EVPL: variants seen among roughly 807,000 people sequenced by gnomAD.
EVPL encodes the protein envoplakin.
EVPL carries 94 observed loss-of-function variants against 129.7 expected under a neutral mutation model. That is an observed-to-expected ratio of 0.72 (90% CI 0.61 to 0.86). The LOEUF is 0.86. Ranked by LOEUF, EVPL falls within the 40% of genes least tolerant of loss-of-function variation. The probability of loss-of-function intolerance (pLI) is 0.00; values close to 1 mark genes in which losing one functional copy is unlikely to be tolerated. For missense variants in EVPL, 2,625 were observed against 2,721.1 expected, an observed-to-expected ratio of 0.96 and a Z score of 0.79; for synonymous variants, 1,172 against 1,191.1, an observed-to-expected ratio of 0.98 and a Z score of 0.33.
chr17:76,009,330 A>G lies in EVPL; in HGVS notation c.3875T>C (p.Ile1292Thr), dbSNP rs777813377. The G allele has an allele frequency of 6.2e-7, 1 of 1,611,740 alleles. No individual in the cohort carries two copies. Among genetic ancestry groups the G allele is most frequent in the African/African-American group, 1.3e-5 (1 of 74,876 alleles). ...NSHGRSQEQL[I>T]RLQGERDEWR... is the part of the protein sequence containing the mutation. ...CTCGTCGCGCTCACCCTGCAGGCGG[A>G]TGAGCTGCTCCTGGGAGCGCCCGTG... The change falls in exon 22 of 22, where the codon ATC becomes ACC. Residue 1292 changes from isoleucine (I) to threonine (T), a missense_variant. Around this residue, in one of 4 missense-constraint regions of EVPL, gnomAD observed 1,453 missense variants for 1,511.8 expected, o/e 0.96. Transcript: ENST00000301607. This position sits in a 1 kb window ranked among gnomAD's most constrained non-coding sequence, Gnocchi z 5.9.
chr17:76,019,635 A>T lies in EVPL; in HGVS notation c.1030T>A (p.Ser344Thr), dbSNP rs1471695531. ...AGCTTCGCCAGGGTCTGGCTGACTG[A>T]GTCGGCCTCTTCCTGGAACTGAGTT... ...DYRRFQEEAD[S>T]VSQTLAKLNS... Residue 344 changes from serine to threonine, a missense_variant, in exon 10 of 22, where the codon TCA becomes ACA. Physicochemically the swap from Ser to Thr is moderately conservative, Grantham distance 58. Around this residue, in one of 4 missense-constraint regions of EVPL, gnomAD observed 1,024 missense variants for 997.5 expected, o/e 1.03. Transcript: ENST00000301607. 1 of 1,611,128 alleles carries T rather than the reference A, an allele frequency of 6.2e-7. No individual in the cohort carries two copies. Among genetic ancestry groups the T allele is most frequent in the South Asian group, 1.1e-5 (1 of 90,850 alleles).
chr17:76,021,876 C>A lies in EVPL; in HGVS notation c.798G>T (p.Arg266=). 1 of 1,557,740 alleles carries A rather than the reference C, an allele frequency of 6.4e-7. No homozygotes were observed. The highest frequency in any genetic ancestry group is 8.6e-7 in the Non-Finnish European group (1 of 1,158,894). The change falls in exon 7 of 22, where the codon CGG becomes CGT. Residue 266 remains arginine, a synonymous_variant. Transcript: ENST00000301607. ...DLMADPAGVR[R]EYEHFKQHEL... is the part of the protein sequence containing the mutation. ...ACCTCTGCCAGCCGACCTCGTACTC[C>A]CGCCGCACGCCCGCAGGGTCGGCCA...
intron 1 of EVPL, 57 bp downstream of exon 1, chr17:76,027,044 G>A (rs1598248373): frequency 9.4e-7 from 1 of 1,069,452 alleles, no homozygotes; most frequent in East Asian, 2.9e-5. Context: ...CAAGGACCTG[G>A]GCCTGGCACC....
rs1420306780 is a variant in EVPL, at chr17:76,021,318, A to G, written c.1011+150T>C. ...TGATCCACCAGCCTCGGCCTCCCAA[A>G]GTGCTGGGATTACAGGTGTGAGCCA... On this transcript the variant is annotated intron_variant, in intron 9 of 21. Coordinates refer to ENST00000301607, the MANE Select transcript of EVPL (RefSeq NM_001988.4). 15 of 692,274 alleles carry G rather than the reference A, an allele frequency of 2.2e-5. 1 individual carries two copies. The South Asian group carries it at 2.6e-4, about 12-fold the overall frequency. The allele number at this position is 692,274 out of a possible 1,614,324, so 42.9% of individuals were successfully genotyped here. A position where few individuals can be genotyped will look rare whatever the true frequency, so the allele number is the denominator to read the frequency against.
At chr17:76,014,084 C>T (rs902530940) in intron 18 of EVPL, among the ~76,000 whole-genome samples, 3 of 152,306 alleles carry the variant, frequency 2.0e-5, no homozygotes, top group East Asian at 3.9e-4. Context: ...CAATGCTTGT[C>T]GGCATCACAG....
chr17:76,008,526 A>C lies in EVPL; in HGVS notation c.4679T>G (p.Leu1560Arg). 1 of 1,606,366 alleles carries C rather than the reference A, an allele frequency of 6.2e-7. No homozygotes were observed. The highest frequency in any genetic ancestry group is 8.5e-7 in the Non-Finnish European group (1 of 1,179,298). The change falls in exon 22 of 22, where the codon CTG becomes CGG. Residue 1560 changes from leucine to arginine, a missense_variant. This residue lies in a region of EVPL where 1,453 missense variants were observed against 1,511.8 expected (regional missense o/e 0.96). Coordinates refer to ENST00000301607, the MANE Select transcript of EVPL (RefSeq NM_001988.4). This position sits in a 1 kb window ranked among gnomAD's most constrained non-coding sequence, Gnocchi z 7.4. ...RQAREEEARRLRERIDRAETL... is the reference protein window; with the variant it reads ...RQAREEEARRRRERIDRAETL... ...CTCGGCCCGGTCAATGCGCTCCCGC[A>C]GGCGCCGTGCCTCCTCCTCCCGGGC...
At position 76,007,848 on chromosome 17, in the gene EVPL, G is replaced by A. The variant is rs933998775; in HGVS notation, c.5357C>T (p.Pro1786Leu). Residue 1786 changes from proline to leucine, a missense_variant, in exon 22 of 22, where the codon CCA (proline) becomes CTA (leucine). Physicochemically the swap from Pro to Leu is moderately conservative, Grantham distance 98 (BLOSUM62 -3). Transcript: ENST00000301607. This position sits in a 1 kb window ranked among gnomAD's most constrained non-coding sequence, Gnocchi z 8.8. ...AGAGCCGATGGAGAGTGAGGAGCTT[G>A]GCTTGGTCTCCCCAGCTACAAGCAG... is the stretch of plus-strand genomic sequence containing the variant. ...FALLVAGETK[P>L]SSSLSIGSII... 6.2e-7 allele frequency: 1 copy of A among 1,612,118 alleles called. No homozygotes were observed. Among genetic ancestry groups the A allele is most frequent in the Non-Finnish European group, 8.5e-7 (1 of 1,178,556 alleles).
chr17:76,007,853 G>C lies in EVPL; in HGVS notation c.5352C>G (p.Thr1784=). The C allele has an allele frequency of 6.2e-7, 1 of 1,612,330 alleles. No homozygotes were observed. The highest frequency in any genetic ancestry group is 8.5e-7 in the Non-Finnish European group (1 of 1,178,636). The change falls in exon 22 of 22, where the codon ACC becomes ACG. Residue 1784 remains threonine, a synonymous_variant. Transcript: ENST00000301607. This position sits in a 1 kb window ranked among gnomAD's most constrained non-coding sequence, Gnocchi z 8.8. ...SEFALLVAGE[T]KPSSSLSIGS... The stretch of plus-strand genomic sequence containing the variant: ...CGATGGAGAGTGAGGAGCTTGGCTT[G>C]GTCTCCCCAGCTACAAGCAGCGCAA...
chr17:76,017,716 G>T (rs1461996695), intron 14 of EVPL, 23 bp downstream of exon 14: 3 of 1,603,360 alleles, frequency 1.9e-6, no homozygotes, highest in Non-Finnish European at 1.7e-6. Flanking sequence ...CATCCCAGCC[G>T]CCCCTTCCCG....
At chr17:76,020,527 TCA>T (rs2066450291) in intron 9 of EVPL, among the ~76,000 whole-genome samples, 2 of 152,108 alleles carry the variant, frequency 1.3e-5, no homozygotes, top group South Asian at 4.1e-4. Flanking sequence ...ACGTGTGTGA[TCA>T]CAGTCTTGTG....
intron 12 of EVPL, 76 bp from the exon 13 acceptor site, chr17:76,018,334 T>G: frequency 6.6e-7 from 1 of 1,516,936 alleles, no homozygotes; most frequent in Non-Finnish European, 8.9e-7. Context: ...AGACGCAGCT[T>G]CAGGTGAAGG....
rs748859837 is a variant in EVPL at position 76,011,831 on chromosome 17, C to A, written c.2509G>T (p.Ala837Ser). 1.9e-6 allele frequency: 3 copies of A among 1,612,958 alleles called. No individual in the cohort carries two copies. The highest frequency in any genetic ancestry group is 2.5e-6 in the Non-Finnish European group (3 of 1,179,708). Residue 837 changes from alanine to serine, a missense_variant, in exon 20 of 22, where the codon GCA (alanine) becomes TCA (serine). Ala to Ser is a moderately conservative substitution (Grantham distance 99). Around this residue, in one of 4 missense-constraint regions of EVPL, gnomAD observed 1,024 missense variants for 997.5 expected, o/e 1.03. Transcript: ENST00000301607. ...CGGGGTCTCTTGGGGGCTGACACTGCCAGGGTGGGCTCCAAAGAGCAGCGG... is the reference window on the plus strand; with the variant it reads ...CGGGGTCTCTTGGGGGCTGACACTGACAGGGTGGGCTCCAAAGAGCAGCGG... ...TYRCSLEPTLAVSAPKRPRVA... is the reference protein window; with the variant it reads ...TYRCSLEPTLSVSAPKRPRVA...
Position 76,023,340 on chromosome 17 carries a change from G to A in EVPL, c.432C>T (p.Pro144=), listed in dbSNP as rs1165078067. Residue 144 remains proline (P), a synonymous_variant, in exon 4 of 22, where the codon CCC becomes CCT. Transcript: ENST00000301607. Reference sequence around the variant, plus strand: ...CCCAGTCGACCCTGGGTCCCACGTCGGGGGGCAGCACCATCTTCTCGTACA... The same window carrying A: ...CCCAGTCGACCCTGGGTCCCACGTCAGGGGGCAGCACCATCTTCTCGTACA... ...RALYEKMVLP[P]DVGPRVDWAR... is the part of the protein sequence containing the mutation. 18 of 1,613,732 alleles carry A rather than the reference G, an allele frequency of 1.1e-5. No individual in the cohort carries two copies. The highest frequency in any genetic ancestry group is 4.4e-5 in the South Asian group (4 of 91,082).
Position 76,010,280 on chromosome 17 carries a change from C to T in EVPL, c.2925G>A (p.Val975=). The T allele has an allele frequency of 6.2e-7, 1 of 1,614,026 alleles. No individual in the cohort carries two copies. The highest frequency in any genetic ancestry group is 1.1e-5 in the South Asian group (1 of 91,092). ...TGCCCTCCTCCTCCACCTGGGCCTTCACCCTGGACAGGCTGCCCTCCAGCT... is the reference window on the plus strand; with the variant it reads ...TGCCCTCCTCCTCCACCTGGGCCTTTACCCTGGACAGGCTGCCCTCCAGCT... The part of the protein sequence containing the change: ...DPQLEGSLSR[V]KAQVEEEGKR... The change falls in exon 22 of 22, where the codon GTG becomes GTA. Residue 975 remains valine (V), a synonymous_variant. Coordinates refer to ENST00000301607, the MANE Select transcript of EVPL (RefSeq NM_001988.4).
chr17:76,017,656 G>A (rs2066426608), intron 14 of EVPL, 83 bp downstream of exon 14: 2 of 1,541,718 alleles, frequency 1.3e-6, no homozygotes, highest in Non-Finnish European at 1.7e-6. Context: ...CACCGCTCCT[G>A]CACTTGCCTC....
Position 76,010,379 on chromosome 17 carries a change from C to G in EVPL, c.2826G>C (p.Leu942=). ...AGGGCCGCTGGGTCCTCAGCTGCAG[C>G]AGTTGGCTCCTCTGCGCCTCCAGCT... is the stretch of plus-strand genomic sequence containing the variant. ...QHELEAQRSQ[L]LQLRTQRPLE... is the part of the protein sequence containing the mutation. The change falls in exon 22 of 22, where the codon CTG becomes CTC. Residue 942 remains leucine, a synonymous_variant. Transcript: ENST00000301607. 1 of 1,614,030 alleles carries G rather than the reference C, an allele frequency of 6.2e-7. No individual in the cohort carries two copies. The highest frequency in any genetic ancestry group is 8.5e-7 in the Non-Finnish European group (1 of 1,180,028).
chr17:76,021,391 G>T, intron 9 of EVPL, 77 bp downstream of exon 9: 1 of 1,366,700 alleles, frequency 7.3e-7, no homozygotes, highest in Non-Finnish European at 1.0e-6. Flanking sequence ...TGCCTCTCCT[G>T]TGGGCAGGGG....
In EVPL at chr17:76,014,411, C is replaced by G; in HGVS notation, c.2373+15G>C. ...GCCACATGGGCACAGGCAGCTGTCC[C>G]TGCCCCAGCCTCACCTTCTGCGCCT... On this transcript the variant is annotated intron_variant, in intron 18 of 21. Coordinates refer to ENST00000301607, the MANE Select transcript of EVPL (RefSeq NM_001988.4). 4.4e-6 allele frequency: 7 copies of G among 1,604,612 alleles called. No individual in the cohort carries two copies. The highest frequency in any genetic ancestry group is 6.0e-6 in the Non-Finnish European group (7 of 1,176,276).
chr17:76,009,652 T>C lies in EVPL; in HGVS notation c.3553A>G (p.Lys1185Glu), dbSNP rs1280120139. 1.9e-6 allele frequency: 3 copies of C among 1,613,606 alleles called. No individual in the cohort carries two copies. The African/African-American group carries it at 4.0e-5, about 22-fold the overall frequency. Residue 1185 changes from lysine (K) to glutamate (E), a missense_variant, in exon 22 of 22, where the codon AAG becomes GAG. Coordinates refer to ENST00000301607, the MANE Select transcript of EVPL (RefSeq NM_001988.4). The surrounding 1 kb of genome is among the most constrained non-coding windows in gnomAD (Gnocchi z 5.9). The stretch of plus-strand genomic sequence containing the variant: ...TGGAGCTGCACTTTGGGCCTCTGCT[T>C]CTCCACCACGCTGTACTTGCTGTGC... ...DLHSKYSVVE[K>E]QRPKVQLQER...
Sources: allele counts gnomAD v4.1 joint callset (sites outside exome capture counted in the v4.1 genomes callset), GRCh38; gene constraint gnomAD v4.1.1; regional missense constraint gnomAD v4.1.1; non-coding constraint Gnocchi (gnomAD v3.1); transcripts MANE v1.5; gene names NCBI Gene and HGNC (gene_info 2026-07-23, HGNC 2026-07-21).